SND1: variants seen among roughly 807,000 people sequenced by gnomAD.
The protein encoded by SND1 is staphylococcal nuclease and tudor domain containing 1, also known as staphylococcal nuclease domain-containing protein 1.
In SND1, 38 loss-of-function variants were observed where a neutral mutation model predicts 121.7. That is an observed-to-expected ratio of 0.31 (90% CI 0.24 to 0.41). The LOEUF (loss-of-function observed/expected upper bound fraction) is 0.41. Ranked by LOEUF, SND1 falls within the 10% of genes least tolerant of loss-of-function variation. The probability of loss-of-function intolerance (pLI) is 1.00; values close to 1 mark genes in which losing one functional copy is unlikely to be tolerated. For missense variants in SND1, 868 were observed against 1,184.6 expected, an observed-to-expected ratio of 0.73 and a Z score of 3.92; for synonymous variants, 401 against 447.4, an observed-to-expected ratio of 0.90 and a Z score of 1.31.
At chr7:127,967,863 A>G (rs1801891398) in intron 15 of SND1, among the ~76,000 whole-genome samples, 1 of 152,238 alleles carries the variant, frequency 6.6e-6, no homozygotes, top group African/African-American at 2.4e-5. Flanking sequence ...ATGATTAAAT[A>G]TGCTAAAACT....
At chr7:127,916,642 T>C (rs1800586243) in intron 14 of SND1, among the ~76,000 whole-genome samples, 1 of 152,162 alleles carries the variant, frequency 6.6e-6, no homozygotes, top group Non-Finnish European at 1.5e-5. Flanking sequence ...CCGCCCAAGC[T>C]GTCGGAGATA....
At chr7:127,886,980 T>C (rs1563047856) in intron 12 of SND1, among the ~76,000 whole-genome samples, 1 of 152,060 alleles carries the variant, frequency 6.6e-6, no homozygotes, top group Non-Finnish European at 1.5e-5. Context: ...ATTGTTTACT[T>C]TCTTTGTTCC....
intron 16 of SND1, among the ~76,000 whole-genome samples, chr7:128,066,124 C>A (rs1464739721): frequency 6.6e-6 from 1 of 152,226 alleles, no homozygotes; most frequent in Non-Finnish European, 1.5e-5. Flanking sequence ...CCAGATGATG[C>A]TGATGGCAGT....
intron 10 of SND1, among the ~76,000 whole-genome samples, chr7:127,762,137 C>A (rs988544263): frequency 6.6e-6 from 1 of 152,164 alleles, no homozygotes; most frequent in Non-Finnish European, 1.5e-5. Context: ...GATTTTATAT[C>A]TGTAAATGAA....
chr7:127,659,850 T>C (rs1394083316), intron 1 of SND1, among the ~76,000 whole-genome samples: 1 of 152,102 alleles, frequency 6.6e-6, no homozygotes, highest in Non-Finnish European at 1.5e-5. Context: ...ATGCATTGTC[T>C]CTAAGCATTT....
At chr7:127,931,033 G>T (rs955517143) in intron 15 of SND1, among the ~76,000 whole-genome samples, 1 of 151,934 alleles carries the variant, frequency 6.6e-6, no homozygotes, top group African/African-American at 2.4e-5. Flanking sequence ...AATTGTTTCG[G>T]GTCGCCATGA....
Position 128,091,876 on chromosome 7 carries a change from G to A in SND1, c.2662G>A (p.Ala888Thr). Residue 888 changes from alanine to threonine, a missense_variant, in exon 23 of 24, where the codon GCC (alanine) becomes ACC (threonine). Ala to Thr is a moderately conservative substitution (Grantham distance 58, BLOSUM62 0). Transcript: ENST00000354725. ...GAATGCCCAAGAGTCAGCCAAGAGC[G>A]CCAGGGTGAGTTCTTACCTTGGGAG... The part of the protein sequence containing the change: ...YLNAQESAKS[A>T]RLNLWRYGDF... 3 of 1,614,184 alleles carry A rather than the reference G, an allele frequency of 1.9e-6. No homozygotes were observed. The highest frequency in any genetic ancestry group is 2.5e-6 in the Non-Finnish European group (3 of 1,180,028).
At position 127,754,018 on chromosome 7, in the gene SND1, C is replaced by T. The variant is rs1389482432; in HGVS notation, c.1152+32618C>T. Among the ~76,000 whole-genome samples the T allele has an allele frequency of 3.3e-5, 5 of 152,222 alleles. No individual in the cohort carries two copies. The South Asian group carries it at 1.0e-3, about 32-fold the overall frequency. On this transcript the variant is annotated intron_variant, in intron 10 of 23. Coordinates refer to ENST00000354725, the MANE Select transcript of SND1 (RefSeq NM_014390.4). ...TTATTAGTATTTTATTCACATTTAGCCCAAAGTAGATTATCAATTAGAAGT... is the reference window on the plus strand; with the variant it reads ...TTATTAGTATTTTATTCACATTTAGTCCAAAGTAGATTATCAATTAGAAGT...
intron 13 of SND1, among the ~76,000 whole-genome samples, chr7:127,900,044 T>C (rs1800198318): frequency 6.6e-6 from 1 of 152,154 alleles, no homozygotes; most frequent in Admixed American, 6.5e-5. Context: ...CATTTCTGCT[T>C]TCTGTCATTT....
intron 12 of SND1, among the ~76,000 whole-genome samples, chr7:127,887,310 A>G (rs74410013): frequency 0.055 from 8,296 of 152,074 alleles, 658 homozygotes; most frequent in African/African-American, 0.17. Context: ...CCTTTCTACT[A>G]GAATGCCTCC....
chr7:127,991,048 C>T lies in SND1; in HGVS notation c.1771C>T (p.Gln591Ter). The T allele has an allele frequency of 6.2e-7, 1 of 1,611,138 alleles. No homozygotes were observed. The highest frequency in any genetic ancestry group is 8.5e-7 in the Non-Finnish European group (1 of 1,177,530). ...ACTTTTCACCAAGGAACTGGTGCTG[C>T]AGCGAGAGGTAGGACATCTTCCTGT... ...ATLFTKELVL[Q>*]REVEVEVESM... The change falls in exon 16 of 24, where the codon CAG becomes TAG. Residue 591 changes from glutamine (Q) to a stop codon, truncating the protein, a stop_gained. Coordinates refer to ENST00000354725, the MANE Select transcript of SND1 (RefSeq NM_014390.4). LOFTEE classifies it high-confidence loss of function.
intron 10 of SND1, among the ~76,000 whole-genome samples, chr7:127,777,197 G>A (rs1465482791): frequency 6.6e-6 from 1 of 152,220 alleles, no homozygotes; most frequent in Admixed American, 6.5e-5. Flanking sequence ...GCACTCTCCT[G>A]TCTACCTCCC....
intron 16 of SND1, chr7:128,028,857 GC>G (rs1341820194): frequency 6.2e-7 from 1 of 1,614,164 alleles, no homozygotes; most frequent in Non-Finnish European, 8.5e-7. Flanking sequence ...CAGCACTACT[GC>G]CCCCTCACCT....
chr7:127,806,981 G>A (rs1412126711), intron 10 of SND1, among the ~76,000 whole-genome samples: 2 of 151,976 alleles, frequency 1.3e-5, no homozygotes, highest in African/African-American at 4.8e-5. Flanking sequence ...GAAAAAAACT[G>A]CTTTGTGTTG....
At chr7:128,061,761 A>G (rs1793234412) in intron 16 of SND1, among the ~76,000 whole-genome samples, 1 of 152,202 alleles carries the variant, frequency 6.6e-6, no homozygotes, top group African/African-American at 2.4e-5. Context: ...TCCTTATTTC[A>G]CGTGTATGTG....
intron 16 of SND1, among the ~76,000 whole-genome samples, chr7:128,063,107 G>A (rs939074379): frequency 3.9e-5 from 6 of 152,136 alleles, no homozygotes; most frequent in Non-Finnish European, 5.9e-5. Context: ...TCTGCTCAAC[G>A]TCGTTAGCTC....
chr7:127,749,953 C>T (rs147550557), intron 10 of SND1, among the ~76,000 whole-genome samples: 5 of 152,210 alleles, frequency 3.3e-5, no homozygotes, highest in East Asian at 3.9e-4. Context: ...CACACATAGA[C>T]GCCAGGCTTG....
intron 10 of SND1, among the ~76,000 whole-genome samples, chr7:127,725,718 A>C (rs973183884): frequency 6.6e-6 from 1 of 152,196 alleles, no homozygotes; most frequent in African/African-American, 2.4e-5. Flanking sequence ...GATAACCTGA[A>C]AACTTACGGT....
chr7:127,957,573 G>A (rs142964887), intron 15 of SND1, among the ~76,000 whole-genome samples: 4 of 152,260 alleles, frequency 2.6e-5, no homozygotes, highest in Non-Finnish European at 5.9e-5. Context: ...AAGTTATACC[G>A]TTGCCTTGCT....
Sources: allele counts gnomAD v4.1 joint callset (sites outside exome capture counted in the v4.1 genomes callset), GRCh38; gene constraint gnomAD v4.1.1; transcripts MANE v1.5; gene names NCBI Gene and HGNC (gene_info 2026-07-23, HGNC 2026-07-21).